Variants in TMEM132B observed in about 807,000 individuals in gnomAD.
TMEM132B encodes transmembrane protein 132B.
Under a neutral mutation model 90.8 loss-of-function variants are expected in TMEM132B, and 18 were observed. The ratio of observed to expected loss-of-function variants is 0.20; its 90% CI spans 0.14 to 0.29. The LOEUF is 0.29. TMEM132B is among the 10% of genes least tolerant of loss of function. The pLI, the probability that TMEM132B is intolerant of heterozygous loss-of-function variation, is 1.00. For synonymous variants in TMEM132B, 504 were observed against 523.3 expected (o/e 0.96, Z 0.50); for missense variants, 1,096 against 1,326.8 (o/e 0.83, Z 2.70).
At chr12:125,474,048 TTC>T (rs1491021023) in intron 3 of TMEM132B, among the ~76,000 whole-genome samples, 6 of 137,924 alleles carry the variant, frequency 4.4e-5, no homozygotes, top group African/African-American at 1.6e-4. Context: ...CCTTCCTTCC[TTC>T]TTTCTTTTTC....
rs372088386 is a variant in TMEM132B at position 125,638,419 on chromosome 12, G to T, written c.1438-5657G>T. On this transcript the variant is annotated intron_variant, in intron 5 of 8. Coordinates refer to ENST00000682704, the MANE Select transcript of TMEM132B (RefSeq NM_001366854.1). ...CTCAAGGTAAAAGGAATATTTTTGA[G>T]TACCTACTGCGCCTCAGACACAGTA... Among the ~76,000 whole-genome samples the T allele has an allele frequency of 9.7e-4, 148 of 152,184 alleles. 2 individuals are homozygous for T. Among genetic ancestry groups the T allele is most frequent in the African/African-American group, 3.4e-3 (142 of 41,496 alleles).
intron 2 of TMEM132B, among the ~76,000 whole-genome samples, chr12:125,395,170 A>C (rs1042835872): frequency 6.6e-6 from 1 of 152,236 alleles, no homozygotes; most frequent in Non-Finnish European, 1.5e-5. Context: ...TGGACAGGAA[A>C]TATCCAGTGC....
At chr12:125,395,237 A>T (rs1330201495) in intron 2 of TMEM132B, among the ~76,000 whole-genome samples, 1 of 152,174 alleles carries the variant, frequency 6.6e-6, no homozygotes, top group African/African-American at 2.4e-5. Flanking sequence ...AAAAAAATTC[A>T]TTATGGCTGA....
intron 5 of TMEM132B, chr12:125,585,751 C>T (rs968170569): frequency 5.9e-5 from 9 of 152,136 alleles, no homozygotes; most frequent in East Asian, 1.9e-4. Context: ...TCCTCATAGA[C>T]GTTGTTTTGG....
At chr12:125,294,747 A>C (rs1390420303) in intron 1 of TMEM132B, among the ~76,000 whole-genome samples, 2 of 152,238 alleles carry the variant, frequency 1.3e-5, no homozygotes, top group Non-Finnish European at 2.9e-5. Flanking sequence ...TGCTGGTCAC[A>C]GTATACATGA....
rs1489824448 is a variant in TMEM132B at position 125,432,453 on chromosome 12, ATG to A, written c.1106+16778_1106+16779del. Among the ~76,000 whole-genome samples, 71 of 101,370 alleles carry A rather than the reference ATG, an allele frequency of 7.0e-4. 21 individuals carry two copies. The highest frequency in any genetic ancestry group is 1.9e-3 in the African/African-American group (45 of 24,142). 66.5% of individuals were successfully genotyped at this position (101,370 alleles called of 152,430 possible). A position where few individuals can be genotyped will look rare whatever the true frequency, so the allele number is the denominator to read the frequency against. ...TGTATATATATGTATGTGTATATAT[ATG>A]TATGTGTATATATATGTATGTGTAT... On this transcript the variant is annotated intron_variant, in intron 3 of 8. Transcript: ENST00000682704.
chr12:125,557,173 T>C (rs904002550), intron 4 of TMEM132B, among the ~76,000 whole-genome samples: 1 of 152,178 alleles, frequency 6.6e-6, no homozygotes, highest in African/African-American at 2.4e-5. Context: ...CATATACATA[T>C]GTGTATATAT....
Position 125,307,626 on chromosome 12 carries a change from G to A in TMEM132B, c.68-41826G>A, listed in dbSNP as rs112070533. On this transcript the variant is annotated intron_variant, in intron 1 of 8. Coordinates refer to ENST00000682704, the MANE Select transcript of TMEM132B (RefSeq NM_001366854.1). ...AACATTACAAATAGGGCTAAAGTCT[G>A]TTGTGATCAGCATCCCAAGCCCCAC... is the stretch of plus-strand genomic sequence containing the variant. Among the ~76,000 whole-genome samples, 1,228 of 151,630 alleles carry A rather than the reference G, an allele frequency of 8.1e-3. 22 individuals carry two copies. Among genetic ancestry groups the A allele is most frequent in the African/African-American group, 0.028 (1,172 of 41,342 alleles).
chr12:125,484,060 C>A (rs1882133351), intron 3 of TMEM132B, among the ~76,000 whole-genome samples: 2 of 152,070 alleles, frequency 1.3e-5, no homozygotes, highest in Non-Finnish European at 2.9e-5. Flanking sequence ...CACAACTTAC[C>A]CCTCTTTTTT....
intron 4 of TMEM132B, among the ~76,000 whole-genome samples, chr12:125,573,815 C>T (rs1020237394): frequency 8.5e-5 from 13 of 152,278 alleles, no homozygotes; most frequent in African/African-American, 3.1e-4. Context: ...CAGTAAAATA[C>T]AATCAAACTG....
chr12:125,607,981 A>C (rs1315156614), intron 5 of TMEM132B, among the ~76,000 whole-genome samples: 1 of 152,200 alleles, frequency 6.6e-6, no homozygotes, highest in Non-Finnish European at 1.5e-5. Flanking sequence ...AATTTTACTC[A>C]TCCATCAATA....
intron 1 of TMEM132B, among the ~76,000 whole-genome samples, chr12:125,305,849 T>C (rs1296770571): frequency 2.0e-5 from 3 of 152,244 alleles, no homozygotes; most frequent in East Asian, 1.9e-4. Flanking sequence ...TCTCTATTGC[T>C]GGGTATGTTT....
chr12:125,236,825 G>A (rs957636505), intron 1 of TMEM132B, among the ~76,000 whole-genome samples: 8 of 152,222 alleles, frequency 5.3e-5, no homozygotes, highest in Non-Finnish European at 7.3e-5. Context: ...TTCCTTTTCC[G>A]TATTTTCATG....
chr12:125,494,784 C>T (rs1882491747), intron 3 of TMEM132B, among the ~76,000 whole-genome samples: 1 of 102,828 alleles, frequency 9.7e-6, no homozygotes. Context: ...GTTCCTCCTC[C>T]CCCTCTTCCC....
intron 3 of TMEM132B, among the ~76,000 whole-genome samples, chr12:125,497,117 C>G (rs1015591819): frequency 6.6e-6 from 1 of 152,170 alleles, no homozygotes; most frequent in Non-Finnish European, 1.5e-5. Flanking sequence ...GCCTGGGCTG[C>G]CCTAAATCTG....
At chr12:125,252,682 T>C (rs1287297888) in intron 1 of TMEM132B, among the ~76,000 whole-genome samples, 2 of 152,156 alleles carry the variant, frequency 1.3e-5, no homozygotes, top group Non-Finnish European at 2.9e-5. Flanking sequence ...TGGCTCCTAA[T>C]CCTGCCTCCC....
chr12:125,213,616 C>T lies in TMEM132B; in HGVS notation c.67+26750C>T, dbSNP rs1873370314. ...ATGGCTTCTCCAGCCTAGACCTTCT[C>T]TATAAATTACTGTGTGATTTTTCTG... On this transcript the variant is annotated intron_variant, in intron 1 of 8. Transcript: ENST00000682704. The surrounding 1 kb of genome is among the most constrained non-coding windows in gnomAD (Gnocchi z 4.2). Among the ~76,000 whole-genome samples, 1 of 152,230 alleles carries T rather than the reference C, an allele frequency of 6.6e-6. No homozygotes were observed. Among genetic ancestry groups the T allele is most frequent in the Non-Finnish European group, 1.5e-5 (1 of 68,050 alleles).
In TMEM132B at chr12:125,407,473, A is replaced by G. The variant is rs1212184033; in HGVS notation, c.960-8058A>G. Among the ~76,000 whole-genome samples the G allele has an allele frequency of 6.6e-6, 1 of 152,210 alleles. No individual in the cohort carries two copies. The highest frequency in any genetic ancestry group is 2.4e-5 in the African/African-American group (1 of 41,456). On this transcript the variant is annotated intron_variant, in intron 2 of 8. Transcript: ENST00000682704. The surrounding 1 kb of genome is among the most constrained non-coding windows in gnomAD (Gnocchi z 6.7). ...GGTGGTGGATGCTATGGGCTGGGAAAGACATATGGGGAGTGAGATGGAGAA... is the reference window on the plus strand; with the variant it reads ...GGTGGTGGATGCTATGGGCTGGGAAGGACATATGGGGAGTGAGATGGAGAA...
chr12:125,520,363 CT>C (rs1267387862), intron 4 of TMEM132B, among the ~76,000 whole-genome samples: 3 of 152,192 alleles, frequency 2.0e-5, no homozygotes, highest in Non-Finnish European at 4.4e-5. Context: ...ACTTTCCTGT[CT>C]GGTACCAAAG....
Sources: allele counts gnomAD v4.1 joint callset (sites outside exome capture counted in the v4.1 genomes callset), GRCh38; gene constraint gnomAD v4.1.1; non-coding constraint Gnocchi (gnomAD v3.1); transcripts MANE v1.5; gene names NCBI Gene and HGNC (gene_info 2026-07-23, HGNC 2026-07-21).